The following PPARGC1A variants were observed in gnomAD, a reference collection of about 807,000 sequenced individuals.
PPARGC1A encodes the protein peroxisome proliferator-activated receptor gamma coactivator 1-alpha.
A neutral mutation model predicts 88.7 loss-of-function variants in PPARGC1A; 25 were observed. That is an observed-to-expected ratio of 0.28 (90% CI 0.21 to 0.39). The LOEUF (loss-of-function observed/expected upper bound fraction) is 0.39, where lower values mean the gene tolerates loss of function less well. Among genes scored for constraint, PPARGC1A ranks in the 10% least tolerant of loss-of-function variants. The pLI is 1.00. For missense variants in PPARGC1A, 880 were observed against 968.7 expected (o/e 0.91, Z 1.22); for synonymous variants, 363 against 355.6 (o/e 1.02, Z -0.24).
chr4:23,815,997 A>G (rs1721921934), intron 7 of PPARGC1A, among the ~76,000 whole-genome samples: 1 of 152,024 alleles, frequency 6.6e-6, no homozygotes, highest in African/African-American at 2.4e-5. Context: ...ATGCTGCCTC[A>G]CTCTCCTACT....
the PPARGC1A span, among the ~76,000 whole-genome samples, chr4:24,450,643 G>A: frequency 1.1e-4 from 16 of 152,210 alleles, no homozygotes; most frequent in African/African-American, 3.6e-4. Context: ...TAAAAATGAT[G>A]GCAGTATTAA....
the PPARGC1A span, among the ~76,000 whole-genome samples, chr4:24,194,660 ACACACACAC>A: frequency 0.13 from 3,503 of 26,830 alleles, 74 homozygotes; most frequent in South Asian, 0.31. Flanking sequence ...ACACACACAC[ACACACACAC>A]CCCCATCAAG....
the PPARGC1A span, among the ~76,000 whole-genome samples, chr4:24,225,748 G>A: frequency 1.9e-4 from 29 of 152,170 alleles, no homozygotes; most frequent in Non-Finnish European, 3.5e-4. Flanking sequence ...AAGGCTATGG[G>A]AGGAATAGGT....
the PPARGC1A span, among the ~76,000 whole-genome samples, chr4:23,971,751 C>T: frequency 6.6e-6 from 1 of 152,128 alleles, no homozygotes; most frequent in Non-Finnish European, 1.5e-5. Context: ...TTTGGCAACA[C>T]CTTCATAGAT....
At chr4:23,803,728 A>G (rs1198128175) in intron 10 of PPARGC1A, among the ~76,000 whole-genome samples, 2 of 152,206 alleles carry the variant, frequency 1.3e-5, no homozygotes, top group Non-Finnish European at 2.9e-5. Context: ...AAATGAATTT[A>G]AGGTTGCAGA....
At chr4:24,193,181 T>C in the PPARGC1A span, among the ~76,000 whole-genome samples, 1 of 152,366 alleles carries the variant, frequency 6.6e-6, no homozygotes, top group South Asian at 2.1e-4. Context: ...TTGTTTAACA[T>C]GCATTTATCT....
At chr4:23,889,129 T>C (rs1019523307) in intron 1 of PPARGC1A, 1 of 985,262 alleles carries the variant, frequency 1.0e-6, no homozygotes, top group African/African-American at 1.7e-5. Context: ...GTGGAATTGA[T>C]GTATTGCTGT....
chr4:24,046,829 T>C, the PPARGC1A span, among the ~76,000 whole-genome samples: 1 of 152,188 alleles, frequency 6.6e-6, no homozygotes, highest in Admixed American at 6.5e-5. Flanking sequence ...TCAAGCCGTG[T>C]CTGTCCCCAT....
the PPARGC1A span, among the ~76,000 whole-genome samples, chr4:24,401,459 G>A: frequency 1.3e-5 from 2 of 152,124 alleles, no homozygotes; most frequent in African/African-American, 2.4e-5. Flanking sequence ...CAAGGTCCAC[G>A]AAGAATTCTC....
At chr4:24,352,125 C>T in the PPARGC1A span, among the ~76,000 whole-genome samples, 14 of 152,212 alleles carry the variant, frequency 9.2e-5, no homozygotes, top group Non-Finnish European at 1.3e-4. Context: ...TATACAGAGC[C>T]ACCCGGGAGT....
At chr4:23,872,403 T>A (rs1713582794) in intron 2 of PPARGC1A, among the ~76,000 whole-genome samples, 1 of 152,146 alleles carries the variant, frequency 6.6e-6, no homozygotes, top group African/African-American at 2.4e-5. Context: ...AAATTTCAGG[T>A]CTTCCAACCT....
chr4:23,999,117 C>T, the PPARGC1A span, among the ~76,000 whole-genome samples: 1 of 152,200 alleles, frequency 6.6e-6, no homozygotes, highest in African/African-American at 2.4e-5. Context: ...ATATGTAGTA[C>T]TCCTAGCAAG....
the PPARGC1A span, among the ~76,000 whole-genome samples, chr4:23,993,729 G>C: frequency 1.4e-4 from 21 of 152,228 alleles, no homozygotes; most frequent in African/African-American, 4.8e-4. Flanking sequence ...ACACTTAAAG[G>C]CTCTTGGGAT....
chr4:24,168,189 G>A, the PPARGC1A span, among the ~76,000 whole-genome samples: 3 of 152,118 alleles, frequency 2.0e-5, no homozygotes, highest in Non-Finnish European at 2.9e-5. Flanking sequence ...GTGCTTTATC[G>A]CCATATTTGC....
the PPARGC1A span, among the ~76,000 whole-genome samples, chr4:24,194,437 C>A: frequency 1.3e-5 from 2 of 152,166 alleles, no homozygotes; most frequent in Non-Finnish European, 2.9e-5. Context: ...TCTTCACTGT[C>A]CTTGTGCTTT....
the PPARGC1A span, among the ~76,000 whole-genome samples, chr4:24,430,765 A>G: frequency 6.6e-6 from 1 of 152,140 alleles, no homozygotes; most frequent in Admixed American, 6.5e-5. Context: ...GAAGCCTGCT[A>G]CAAGGCAAGA....
At chr4:24,284,329 C>G in the PPARGC1A span, among the ~76,000 whole-genome samples, 1 of 151,834 alleles carries the variant, frequency 6.6e-6, no homozygotes, top group Non-Finnish European at 1.5e-5. Flanking sequence ...AACAAACAAA[C>G]AAAAAACAAA....
the PPARGC1A span, among the ~76,000 whole-genome samples, chr4:24,014,035 G>A: frequency 1.3e-5 from 2 of 152,162 alleles, no homozygotes; most frequent in African/African-American, 4.8e-5. Flanking sequence ...CAATGCTGTA[G>A]GATGATGTAT....
At chr4:24,222,489 A>G in the PPARGC1A span, among the ~76,000 whole-genome samples, 3 of 152,252 alleles carry the variant, frequency 2.0e-5, no homozygotes, top group Non-Finnish European at 4.4e-5. Flanking sequence ...GATTTTGTCC[A>G]GCAAATGGCC....
Sources: allele counts gnomAD v4.1 joint callset (sites outside exome capture counted in the v4.1 genomes callset), GRCh38; gene constraint gnomAD v4.1.1; transcripts MANE v1.5; gene names NCBI Gene and HGNC (gene_info 2026-07-23, HGNC 2026-07-21).